Variants in SLC24A4 observed in about 807,000 individuals in gnomAD.
The protein encoded by SLC24A4 is sodium/potassium/calcium exchanger 4.
Under a neutral mutation model 79.0 loss-of-function variants are expected in SLC24A4, and 53 were observed. That is an observed-to-expected ratio of 0.67 (90% CI 0.54 to 0.84). SLC24A4 has a LOEUF of 0.84. SLC24A4 is among the 40% of genes least tolerant of loss of function. The pLI, the probability that SLC24A4 is intolerant of heterozygous loss-of-function variation, is 0.00. For synonymous variants in SLC24A4, 323 were observed against 323.8 expected, an observed-to-expected ratio of 1.00 and a Z score of 0.03; for missense variants, 731 against 822.0, an observed-to-expected ratio of 0.89 and a Z score of 1.35.
chr14:92,367,703 A>C (rs1887932257), intron 2 of SLC24A4, among the ~76,000 whole-genome samples: 1 of 152,196 alleles, frequency 6.6e-6, no homozygotes, highest in African/African-American at 2.4e-5. Context: ...TGATGTCTGG[A>C]TTCAGGTGGT....
intron 3 of SLC24A4, among the ~76,000 whole-genome samples, chr14:92,437,345 G>A (rs1892231864): frequency 6.6e-6 from 1 of 152,218 alleles, no homozygotes; most frequent in East Asian, 1.9e-4. Context: ...ATTAAGGTAA[G>A]TTATAGGCGA....
chr14:92,407,141 A>C (rs1890432726), intron 2 of SLC24A4, among the ~76,000 whole-genome samples: 2 of 152,188 alleles, frequency 1.3e-5, no homozygotes, highest in Admixed American at 6.5e-5. Context: ...ACAGATCCCT[A>C]GAGTAAGGGC....
chr14:92,360,779 G>C (rs1887462922), intron 2 of SLC24A4, among the ~76,000 whole-genome samples: 2 of 152,206 alleles, frequency 1.3e-5, no homozygotes, highest in African/African-American at 4.8e-5. Flanking sequence ...GGCCCAGCTA[G>C]TAAGCGACAA....
At chr14:92,360,846 C>T (rs977100172) in intron 2 of SLC24A4, among the ~76,000 whole-genome samples, 12 of 152,212 alleles carry the variant, frequency 7.9e-5, no homozygotes, top group South Asian at 2.1e-4. Context: ...CACGTTACCA[C>T]GGAGGCTCCT....
At chr14:92,359,096 G>T (rs74072675) in intron 2 of SLC24A4, among the ~76,000 whole-genome samples, 19,567 of 152,084 alleles carry the variant, frequency 0.13, 1,434 homozygotes, top group African/African-American at 0.18. Context: ...TAGTCTAGGA[G>T]GCCAGTCTAG....
chr14:92,448,125 T>C (rs185024731), intron 9 of SLC24A4, among the ~76,000 whole-genome samples: 117 of 152,166 alleles, frequency 7.7e-4, no homozygotes, highest in African/African-American at 2.3e-3. Context: ...GCCAGATTCA[T>C]AGAGGTGGAC....
intron 2 of SLC24A4, among the ~76,000 whole-genome samples, chr14:92,417,048 T>C (rs898257112): frequency 3.9e-5 from 6 of 152,256 alleles, no homozygotes; most frequent in African/African-American, 1.4e-4. Flanking sequence ...CCTGTCAGTT[T>C]CTTCTTTTCT....
chr14:92,337,289 T>A (rs1885869519), intron 2 of SLC24A4, among the ~76,000 whole-genome samples: 1 of 152,190 alleles, frequency 6.6e-6, no homozygotes, highest in Admixed American at 6.5e-5. Context: ...GTATTTGCCA[T>A]TCTTTCCCTT....
At chr14:92,493,194 G>A (rs889826413) in intron 16 of SLC24A4, among the ~76,000 whole-genome samples, 1 of 152,112 alleles carries the variant, frequency 6.6e-6, no homozygotes, top group African/African-American at 2.4e-5. Flanking sequence ...CAGCCGGGAG[G>A]AAGTGACGTG....
In SLC24A4 at chr14:92,396,221, T is replaced by G. The variant is rs374651674; in HGVS notation, c.242-37691T>G. On this transcript the variant is annotated intron_variant, in intron 2 of 16. Coordinates refer to ENST00000532405, the MANE Select transcript of SLC24A4 (RefSeq NM_153646.4). ...CCAGTCTAGTTTGGTGTGGGTTGTT[T>G]GCATCACAGGGTAAAGCGAGCCATA... is the stretch of plus-strand genomic sequence containing the variant. Among the ~76,000 whole-genome samples the G allele has an allele frequency of 1.3e-4, 20 of 152,354 alleles. No homozygotes were observed. In the East Asian group the frequency reaches 1.9e-3, roughly 15 times the overall value.
At chr14:92,380,477 A>G (rs1283480263) in intron 2 of SLC24A4, among the ~76,000 whole-genome samples, 1 of 152,166 alleles carries the variant, frequency 6.6e-6, no homozygotes, top group African/African-American at 2.4e-5. Context: ...ATGGCTGCTC[A>G]TCTAGTGAGA....
intron 2 of SLC24A4, among the ~76,000 whole-genome samples, chr14:92,424,677 A>G (rs1347147728): frequency 1.3e-5 from 2 of 151,692 alleles, no homozygotes; most frequent in Non-Finnish European, 2.9e-5. Context: ...GCCTGGGCAT[A>G]ATAGTGAGAC....
intron 2 of SLC24A4, among the ~76,000 whole-genome samples, chr14:92,377,582 G>A (rs1720720709): frequency 6.6e-6 from 1 of 152,218 alleles, no homozygotes. Flanking sequence ...TGCAATGCCA[G>A]GGAGGGTCCA....
At chr14:92,395,432 AACACACAC>A (rs60360408) in intron 2 of SLC24A4, among the ~76,000 whole-genome samples, 3 of 144,902 alleles carry the variant, frequency 2.1e-5, no homozygotes, top group African/African-American at 5.1e-5. Context: ...AACAAAACAA[AACACACAC>A]ACACACACAC....
intron 12 of SLC24A4, among the ~76,000 whole-genome samples, chr14:92,463,649 A>G (rs1211396628): frequency 1.3e-5 from 2 of 152,192 alleles, no homozygotes; most frequent in South Asian, 2.1e-4. Context: ...TTATTTTTTC[A>G]TATAACAGGT....
chr14:92,339,001 A>T (rs1885972713), intron 2 of SLC24A4, among the ~76,000 whole-genome samples: 1 of 152,182 alleles, frequency 6.6e-6, no homozygotes, highest in African/African-American at 2.4e-5. Context: ...CTGTGCCCCC[A>T]CAAAAGTGGC....
At chr14:92,341,365 G>A (rs2141617704) in intron 2 of SLC24A4, among the ~76,000 whole-genome samples, 1 of 152,340 alleles carries the variant, frequency 6.6e-6, no homozygotes, top group Admixed American at 6.5e-5. Flanking sequence ...CAGGACATGA[G>A]GGTCACTGCC....
chr14:92,439,388 G>T lies in SLC24A4; in HGVS notation c.372G>T (p.Pro124=). Reference sequence around the variant, plus strand: ...TAGTGTGCGATGACTTCTTTGTTCCGTCTCTAGAGAAGATCTGTGAGGTAT... The same window carrying T: ...TAGTGTGCGATGACTTCTTTGTTCCTTCTCTAGAGAAGATCTGTGAGGTAT... The part of the protein sequence containing the change: ...LAIVCDDFFV[P]SLEKICERLH... The change falls in exon 4 of 17, where the codon CCG becomes CCT. Residue 124 remains proline (P), a synonymous_variant. Transcript: ENST00000532405. 1 of 1,612,802 alleles carries T rather than the reference G, an allele frequency of 6.2e-7. No individual in the cohort carries two copies. Among genetic ancestry groups the T allele is most frequent in the South Asian group, 1.1e-5 (1 of 91,070 alleles).
intron 2 of SLC24A4, among the ~76,000 whole-genome samples, chr14:92,415,236 C>G (rs1209593533): frequency 6.6e-6 from 1 of 152,116 alleles, no homozygotes; most frequent in Non-Finnish European, 1.5e-5. Context: ...GAGGTCAGGC[C>G]TCCTGCCAGT....
Sources: gnomAD v4.1 joint callset for allele counts (sites outside exome capture counted in the v4.1 genomes callset) on GRCh38, gnomAD v4.1.1 for gene constraint, MANE v1.5 for transcripts, NCBI Gene and HGNC (gene_info 2026-07-23, HGNC 2026-07-21) for gene names.